MAGI2: variants seen among roughly 807,000 people sequenced by gnomAD.
MAGI2 encodes the protein membrane-associated guanylate kinase, WW and PDZ domain-containing protein 2.
Under a neutral mutation model 133.3 loss-of-function variants are expected in MAGI2, and 35 were observed. That is an observed-to-expected ratio of 0.26 (90% CI 0.20 to 0.35). The LOEUF (loss-of-function observed/expected upper bound fraction) is 0.35, where lower values mean the gene tolerates loss of function less well. MAGI2 is among the 10% of genes least tolerant of loss of function. The pLI, the probability that MAGI2 is intolerant of heterozygous loss-of-function variation, is 1.00. For synonymous variants in MAGI2, 729 were observed against 710.6 expected (o/e 1.03, Z -0.41); for missense variants, 1,636 against 1,863.4 (o/e 0.88, Z 2.25).
chr7:78,255,726 C>T lies in MAGI2; in HGVS notation c.2047+217G>A, dbSNP rs535551938. On this transcript the variant is annotated intron_variant, in intron 10 of 21. Transcript: ENST00000354212. Reference sequence around the variant, plus strand: ...CAATATGTCTGTAAGACTGAAAGAACTATTATTATTGTGTTTAATACAAAA... The same window carrying T: ...CAATATGTCTGTAAGACTGAAAGAATTATTATTATTGTGTTTAATACAAAA... The T allele has an allele frequency of 2.9e-4, 177 of 618,184 alleles. No individual in the cohort carries two copies. In the East Asian group the frequency reaches 4.3e-3, roughly 15 times the overall value. 38.3% of individuals were successfully genotyped at this position (618,184 alleles called of 1,614,324 possible).
intron 2 of MAGI2, among the ~76,000 whole-genome samples, chr7:78,968,384 A>T (rs139918814): frequency 0.014 from 2,117 of 150,910 alleles, 40 homozygotes; most frequent in African/African-American, 0.046. Context: ...ATCTATGAAG[A>T]TGTCTTTCCA....
intron 6 of MAGI2, among the ~76,000 whole-genome samples, chr7:78,412,371 T>C (rs1797946948): frequency 6.6e-6 from 1 of 151,966 alleles, no homozygotes; most frequent in African/African-American, 2.4e-5. Flanking sequence ...GCATAAATGA[T>C]CACGGTGCTT....
At chr7:78,600,040 C>T (rs1805024379) in intron 3 of MAGI2, among the ~76,000 whole-genome samples, 1 of 152,116 alleles carries the variant, frequency 6.6e-6, no homozygotes. Context: ...GCCTAGTTGA[C>T]CTTGTAAAAT....
At chr7:78,793,179 C>G (rs1345208437) in intron 2 of MAGI2, among the ~76,000 whole-genome samples, 1 of 152,154 alleles carries the variant, frequency 6.6e-6, no homozygotes, top group Admixed American at 6.5e-5. Flanking sequence ...CTCTATCATC[C>G]TGAATCCCAG....
chr7:78,551,792 T>G (rs1356522729), intron 3 of MAGI2, among the ~76,000 whole-genome samples: 2 of 152,234 alleles, frequency 1.3e-5, no homozygotes, highest in Non-Finnish European at 2.9e-5. Flanking sequence ...TTACCCAGGC[T>G]GGAGGGCAGC....
At chr7:79,442,965 T>C (rs1324021652) in intron 1 of MAGI2, among the ~76,000 whole-genome samples, 1 of 151,428 alleles carries the variant, frequency 6.6e-6, no homozygotes, top group Admixed American at 6.6e-5. Flanking sequence ...AAATTAGGTA[T>C]TGCAGATCAG....
chr7:78,724,157 G>C (rs1266805127), intron 2 of MAGI2, among the ~76,000 whole-genome samples: 3 of 152,108 alleles, frequency 2.0e-5, no homozygotes, highest in Non-Finnish European at 1.5e-5. Context: ...GAAATGTATA[G>C]AAGAATGAAA....
At chr7:79,000,205 C>A (rs1178514402) in intron 2 of MAGI2, 4 of 152,116 alleles carry the variant, frequency 2.6e-5, no homozygotes, top group African/African-American at 4.8e-5. Flanking sequence ...CAATACATAC[C>A]ATTTTTGATC....
At chr7:78,969,069 G>A (rs535508886) in intron 2 of MAGI2, among the ~76,000 whole-genome samples, 2 of 152,170 alleles carry the variant, frequency 1.3e-5, no homozygotes, top group Non-Finnish European at 2.9e-5. Flanking sequence ...CTGGAAGCCA[G>A]GTACATTCAA....
At chr7:78,605,188 C>G (rs1805671288) in intron 3 of MAGI2, among the ~76,000 whole-genome samples, 1 of 152,124 alleles carries the variant, frequency 6.6e-6, no homozygotes, top group African/African-American at 2.4e-5. Context: ...AAGAAATGTG[C>G]ATTTTAGACT....
chr7:79,081,535 C>T (rs1434013629), intron 1 of MAGI2, among the ~76,000 whole-genome samples: 1 of 152,056 alleles, frequency 6.6e-6, no homozygotes, highest in Non-Finnish European at 1.5e-5. Flanking sequence ...AACAAATAAG[C>T]TTGGGGAGGG....
In MAGI2 at chr7:78,022,771, A is replaced by G. The variant is rs187326575; in HGVS notation, c.3707-2795T>C. ...ATTAGTTGGCTTCAAATTACTTCTG[A>G]GATTCAGGGAGACACTCTTTTCTTT... On this transcript the variant is annotated intron_variant, in intron 21 of 21. Coordinates refer to ENST00000354212, the MANE Select transcript of MAGI2 (RefSeq NM_012301.4). Among the ~76,000 whole-genome samples, 49 of 152,300 alleles carry G rather than the reference A, an allele frequency of 3.2e-4. No individual in the cohort carries two copies. The East Asian group carries it at 9.5e-3, about 29-fold the overall frequency.
intron 3 of MAGI2, among the ~76,000 whole-genome samples, chr7:78,608,788 C>A (rs1234342632): frequency 6.6e-6 from 1 of 152,146 alleles, no homozygotes; most frequent in African/African-American, 2.4e-5. Context: ...AAATTGAGGG[C>A]AAAACCACTT....
At chr7:78,482,553 C>T (rs1792504721) in intron 6 of MAGI2, among the ~76,000 whole-genome samples, 1 of 151,864 alleles carries the variant, frequency 6.6e-6, no homozygotes, top group Non-Finnish European at 1.5e-5. Context: ...ATGCCATAGC[C>T]TACTGGCATA....
At chr7:78,425,833 A>C (rs1312523934) in intron 6 of MAGI2, among the ~76,000 whole-genome samples, 1 of 152,260 alleles carries the variant, frequency 6.6e-6, no homozygotes, top group Non-Finnish European at 1.5e-5. Flanking sequence ...CTGCCCTAGC[A>C]AATAAATTAT....
At chr7:78,459,267 G>T (rs1283589037) in intron 6 of MAGI2, among the ~76,000 whole-genome samples, 9 of 152,278 alleles carry the variant, frequency 5.9e-5, no homozygotes, top group Admixed American at 2.6e-4. Context: ...ATCTGCAGTA[G>T]ATAGAACCAT....
At chr7:78,923,541 C>T (rs1404639271) in intron 2 of MAGI2, among the ~76,000 whole-genome samples, 1 of 152,058 alleles carries the variant, frequency 6.6e-6, no homozygotes, top group African/African-American at 2.4e-5. Flanking sequence ...CTGTTCTGTT[C>T]CATTGATCTA....
At chr7:78,471,166 A>G (rs1286007820) in intron 6 of MAGI2, among the ~76,000 whole-genome samples, 1 of 152,184 alleles carries the variant, frequency 6.6e-6, no homozygotes, top group African/African-American at 2.4e-5. Flanking sequence ...GACCATACAT[A>G]GGATGATACC....
intron 14 of MAGI2, among the ~76,000 whole-genome samples, chr7:78,174,397 G>A (rs1353396407): frequency 6.6e-6 from 1 of 152,304 alleles, no homozygotes; most frequent in East Asian, 1.9e-4. Context: ...TTCTAGATGG[G>A]TTTACCCTTA....
Sources: gnomAD v4.1 joint callset for allele counts (sites outside exome capture counted in the v4.1 genomes callset) on GRCh38, gnomAD v4.1.1 for gene constraint, MANE v1.5 for transcripts, NCBI Gene and HGNC (gene_info 2026-07-23, HGNC 2026-07-21) for gene names.